The following CNTN4 variants were observed in gnomAD, a reference collection of about 807,000 sequenced individuals.
The protein encoded by CNTN4 is contactin 4, also known as contactin-4.
In CNTN4, 77 loss-of-function variants were observed where a neutral mutation model predicts 122.5. The observed-to-expected ratio is 0.63, with a 90% CI of 0.52 to 0.76. The LOEUF (loss-of-function observed/expected upper bound fraction) is 0.76, where lower values mean the gene tolerates loss of function less well. Among genes scored for constraint, CNTN4 ranks in the 30% least tolerant of loss-of-function variants. CNTN4 has a pLI of 0.00. For synonymous variants in CNTN4, 512 were observed against 447.0 expected (o/e 1.15, Z -1.83); for missense variants, 1,256 against 1,259.1 (o/e 1.00, Z 0.04).
At chr3:2,158,733 G>A (rs1283027284) in intron 2 of CNTN4, among the ~76,000 whole-genome samples, 1 of 152,166 alleles carries the variant, frequency 6.6e-6, no homozygotes, top group Non-Finnish European at 1.5e-5. Flanking sequence ...ACGCACTGCT[G>A]GTGAGCATTA....
At chr3:2,542,105 C>T (rs1162608148) in intron 3 of CNTN4, among the ~76,000 whole-genome samples, 1 of 152,110 alleles carries the variant, frequency 6.6e-6, no homozygotes, top group Non-Finnish European at 1.5e-5. Flanking sequence ...TCTGCCACCA[C>T]ATTAGAGGCA....
chr3:2,520,784 C>T (rs1045638763), intron 3 of CNTN4, among the ~76,000 whole-genome samples: 1 of 151,984 alleles, frequency 6.6e-6, no homozygotes, highest in Admixed American at 6.6e-5. Context: ...GCTGTTTAAG[C>T]ACAGTCATTT....
chr3:2,462,319 G>C (rs770367959), intron 3 of CNTN4, among the ~76,000 whole-genome samples: 1 of 152,152 alleles, frequency 6.6e-6, no homozygotes, highest in Non-Finnish European at 1.5e-5. Context: ...ATAAAGACTA[G>C]CATTGTGCCC....
In CNTN4 at chr3:2,409,396, C is replaced by T. The variant is rs927796116; in HGVS notation, c.-89+70163C>T. Among the ~76,000 whole-genome samples, 11 of 151,770 alleles carry T rather than the reference C, an allele frequency of 7.2e-5. No homozygotes were observed. The East Asian group carries it at 1.5e-3, about 21-fold the overall frequency. ...ACGAGTAGCTGGGACTACAGGCGCC[C>T]GCCACCACGGCTGGCTAGTTTTTTG... On this transcript the variant is annotated intron_variant, in intron 3 of 24. Transcript: ENST00000418658.
intron 4 of CNTN4, among the ~76,000 whole-genome samples, chr3:2,620,565 T>C (rs1295246261): frequency 6.6e-6 from 1 of 152,120 alleles, no homozygotes; most frequent in Non-Finnish European, 1.5e-5. Context: ...GGTTATATCA[T>C]AAAATATTAG....
chr3:2,478,320 C>T (rs1048249764), intron 3 of CNTN4, among the ~76,000 whole-genome samples: 3 of 152,014 alleles, frequency 2.0e-5, no homozygotes, highest in East Asian at 3.9e-4. Context: ...TGTATGAATA[C>T]CATAGAAATG....
chr3:2,909,436 T>TC (rs2094275339), intron 12 of CNTN4, among the ~76,000 whole-genome samples: 1 of 152,014 alleles, frequency 6.6e-6, no homozygotes, highest in Non-Finnish European at 1.5e-5. Flanking sequence ...TTTTTTTTTT[T>TC]CTCTTAGTAT....
intron 14 of CNTN4, among the ~76,000 whole-genome samples, chr3:3,006,000 C>T (rs1178678952): frequency 2.0e-5 from 3 of 151,688 alleles, no homozygotes; most frequent in Non-Finnish European, 4.4e-5. Flanking sequence ...ATTCTCGTGC[C>T]TCAGCCTCCC....
chr3:2,283,818 T>A (rs2149918765), intron 2 of CNTN4, among the ~76,000 whole-genome samples: 1 of 152,250 alleles, frequency 6.6e-6, no homozygotes, highest in African/African-American at 2.4e-5. Context: ...GGTTTAGTTT[T>A]CCTCCAACTT....
At position 2,709,604 on chromosome 3, in the gene CNTN4, ATAAT is replaced by A. The variant is rs1415998889; in HGVS notation, c.56-26606_56-26603del. 1.3e-5 allele frequency among the ~76,000 whole-genome samples: 2 copies of A among 152,194 alleles called. No individual in the cohort carries two copies. The highest frequency in any genetic ancestry group is 2.9e-5 in the Non-Finnish European group (2 of 68,032). On this transcript the variant is annotated intron_variant, in intron 4 of 24. Transcript: ENST00000418658. The surrounding 1 kb of genome is among the most constrained non-coding windows in gnomAD (Gnocchi z 5.0). ...TTTCACATATTGAAAAATGTTTTTA[ATAAT>A]TAATCATTTAAATTCCACAATGTGG... is the stretch of plus-strand genomic sequence containing the variant.
chr3:2,341,698 T>A (rs1427764493), intron 3 of CNTN4, among the ~76,000 whole-genome samples: 2 of 152,236 alleles, frequency 1.3e-5, no homozygotes, highest in Non-Finnish European at 2.9e-5. Context: ...CCAAAACAGT[T>A]AATTTGATTT....
intron 5 of CNTN4, among the ~76,000 whole-genome samples, chr3:2,743,060 T>C (rs927439042): frequency 5.3e-5 from 8 of 152,204 alleles, no homozygotes; most frequent in Admixed American, 2.0e-4. Context: ...TTGAGATGAC[T>C]AGTGTAGGAA....
chr3:2,440,866 CATATATGTAT>C (rs1178711369), intron 3 of CNTN4, among the ~76,000 whole-genome samples: 1 of 143,796 alleles, frequency 7.0e-6, no homozygotes, highest in Non-Finnish European at 1.5e-5. Flanking sequence ...ATATATCTAA[CATATATGTAT>C]ATATGTATAT....
intron 6 of CNTN4, among the ~76,000 whole-genome samples, chr3:2,760,745 A>G (rs1342090774): frequency 2.6e-5 from 4 of 152,230 alleles, no homozygotes; most frequent in African/African-American, 9.6e-5. Context: ...TTCAATATCA[A>G]TAAATTCTGG....
rs1295344135 is a variant in CNTN4 at position 2,329,734 on chromosome 3, C to CT, written c.-144-9444_-144-9443insT. 3.1e-5 allele frequency among the ~76,000 whole-genome samples: 3 copies of CT among 98,288 alleles called. No individual in the cohort carries two copies. The East Asian group carries it at 2.0e-3, about 65-fold the overall frequency. 64.5% of individuals were successfully genotyped at this position (98,288 alleles called of 152,430 possible). A position where few individuals can be genotyped will look rare whatever the true frequency, so the allele number is the denominator to read the frequency against. On this transcript the variant is annotated intron_variant, in intron 2 of 24. Coordinates refer to ENST00000418658, the MANE Select transcript of CNTN4 (RefSeq NM_175607.3). ...GATAATACACTCTGCCTTATTGAGG[C>CT]ATTTTTTTTTATTAAAAACAGCCTT...
At chr3:2,570,896 G>T (rs1032289923) in intron 3 of CNTN4, among the ~76,000 whole-genome samples, 1 of 152,160 alleles carries the variant, frequency 6.6e-6, no homozygotes, top group African/African-American at 2.4e-5. Context: ...TACTTCTGTG[G>T]CATGTTAGAA....
At chr3:2,737,241 C>T (rs924960324) in intron 5 of CNTN4, among the ~76,000 whole-genome samples, 9 of 152,114 alleles carry the variant, frequency 5.9e-5, no homozygotes, top group African/African-American at 9.7e-5. Flanking sequence ...CCACCATGCC[C>T]AGCTAATTTT....
intron 13 of CNTN4, among the ~76,000 whole-genome samples, chr3:2,950,574 C>T (rs1017124619): frequency 6.6e-6 from 1 of 152,126 alleles, no homozygotes; most frequent in Admixed American, 6.5e-5. Context: ...GGACTAGGTC[C>T]TCTTCCAGCA....
At chr3:2,207,265 G>A (rs2038402854) in intron 2 of CNTN4, among the ~76,000 whole-genome samples, 2 of 152,036 alleles carry the variant, frequency 1.3e-5, no homozygotes, top group Admixed American at 6.6e-5. Flanking sequence ...CAATGGCCTT[G>A]AAGTGTTCAA....
Sources: allele counts gnomAD v4.1 joint callset (sites outside exome capture counted in the v4.1 genomes callset), GRCh38; gene constraint gnomAD v4.1.1; non-coding constraint Gnocchi (gnomAD v3.1); transcripts MANE v1.5; gene names NCBI Gene and HGNC (gene_info 2026-07-23, HGNC 2026-07-21).